DAB2IP: variants seen among roughly 807,000 people sequenced by gnomAD.
DAB2IP encodes the protein disabled homolog 2-interacting protein.
A neutral mutation model predicts 107.2 loss-of-function variants in DAB2IP; 28 were observed. That is an observed-to-expected ratio of 0.26 (90% CI 0.19 to 0.36). The LOEUF is 0.36. DAB2IP is among the 10% of genes least tolerant of loss of function. The pLI is 1.00. For missense variants in DAB2IP, 1,400 were observed against 1,644.7 expected (o/e 0.85, Z 2.57); for synonymous variants, 755 against 706.4 (o/e 1.07, Z -1.09).
upstream of DAB2IP, among the ~76,000 whole-genome samples, chr9:121,649,621 A>G (rs1211380674): frequency 6.6e-6 from 1 of 152,116 alleles, no homozygotes; most frequent in African/African-American, 2.4e-5. Context: ...ACTTCCTGGG[A>G]GTCCCTCACC....
chr9:121,614,337 CTTTT>C (rs35959966), intron 1 of DAB2IP, among the ~76,000 whole-genome samples: 2 of 102,768 alleles, frequency 1.9e-5, no homozygotes, highest in Admixed American at 1.3e-4. Flanking sequence ...TCTTTCTTTT[CTTTT>C]TTTTTTTTTT....
rs1030975206 is a variant in DAB2IP at position 121,651,839 on chromosome 9, A to T, written c.64A>T (p.Arg22Trp). The change falls in exon 1 of 16, where the codon AGG becomes TGG. Residue 22 changes from arginine (R) to tryptophan (W), a missense_variant. Around this residue, in one of 3 missense-constraint regions of DAB2IP, gnomAD observed 283 missense variants for 237.0 expected, o/e 1.19. Coordinates refer to ENST00000408936, the Ensembl canonical transcript of DAB2IP. The surrounding 1 kb of genome is among the most constrained non-coding windows in gnomAD (Gnocchi z 5.1). ...GTCCTCCTACTACTACCGGCTGCTG[A>T]GGCGGCCCCGGCTGCAGCGACAGAG... 4.6e-5 allele frequency: 68 copies of T among 1,471,576 alleles called. No individual in the cohort carries two copies. The highest frequency in any genetic ancestry group is 6.0e-5 in the Non-Finnish European group (67 of 1,109,518). The allele number at this position is 1,471,576 out of a possible 1,614,324, so 91.2% of individuals were successfully genotyped here.
chr9:121,619,416 G>C (rs1831386210), intron 1 of DAB2IP, among the ~76,000 whole-genome samples: 1 of 152,228 alleles, frequency 6.6e-6, no homozygotes, highest in Admixed American at 6.5e-5. Flanking sequence ...CAAAGTGCTA[G>C]GATTACAGGC....
At chr9:121,754,914 C>T (rs1417002366) in intron 3 of DAB2IP, among the ~76,000 whole-genome samples, 2 of 152,198 alleles carry the variant, frequency 1.3e-5, no homozygotes, top group African/African-American at 2.4e-5. Context: ...GTCCCTACCC[C>T]ACCCTCCCTG....
intron 1 of DAB2IP, among the ~76,000 whole-genome samples, chr9:121,627,387 T>C (rs1322180840): frequency 6.6e-6 from 1 of 152,188 alleles, no homozygotes; most frequent in Non-Finnish European, 1.5e-5. Context: ...TGCTTTTTTT[T>C]TTTTTGTATG....
In DAB2IP at chr9:121,694,934, G is replaced by C. The variant is rs1829345534; in HGVS notation, c.229-4391G>C. Reference sequence around the variant, plus strand: ...TGGCACAGCTGCCTGACAAGTAGATGGGGACATGGGCTGCTTTAATAGAGG... The same window carrying C: ...TGGCACAGCTGCCTGACAAGTAGATCGGGACATGGGCTGCTTTAATAGAGG... On this transcript the variant is annotated intron_variant, in intron 2 of 15. Transcript: ENST00000408936. Among the ~76,000 whole-genome samples the C allele has an allele frequency of 3.3e-5, 5 of 152,154 alleles. No homozygotes were observed. The South Asian group carries it at 1.0e-3, about 32-fold the overall frequency.
chr9:121,587,946 C>G (rs1279100101), intron 1 of DAB2IP, among the ~76,000 whole-genome samples: 1 of 152,214 alleles, frequency 6.6e-6, no homozygotes, highest in Non-Finnish European at 1.5e-5. Flanking sequence ...TGTATTTCAT[C>G]TGGCAATCCT....
intron 12 of DAB2IP, 69 bp from the exon 13 acceptor site, chr9:121,774,190 TG>T: frequency 6.9e-7 from 1 of 1,448,108 alleles, no homozygotes; most frequent in Non-Finnish European, 9.1e-7. Context: ...GTGGCTCACC[TG>T]GGCCACTCCC....
chr9:121,729,738 A>G (rs1298721829), intron 3 of DAB2IP, among the ~76,000 whole-genome samples: 2 of 152,168 alleles, frequency 1.3e-5, no homozygotes, highest in Non-Finnish European at 2.9e-5. Flanking sequence ...GATGGGGTGG[A>G]AAGTTTTTGT....
At chr9:121,671,565 A>G (rs1032676129) in intron 1 of DAB2IP, among the ~76,000 whole-genome samples, 10 of 152,206 alleles carry the variant, frequency 6.6e-5, no homozygotes, top group Middle Eastern at 3.2e-3. Context: ...CCATTCATCT[A>G]TAGAAGGATG....
intron 1 of DAB2IP, among the ~76,000 whole-genome samples, chr9:121,578,098 G>T (rs1172140801): frequency 2.0e-5 from 3 of 152,014 alleles, no homozygotes; most frequent in Non-Finnish European, 2.9e-5. Context: ...TCTCTCCTTT[G>T]CCAGTTCTGT....
At chr9:121,616,748 C>G (rs1308416789) in intron 1 of DAB2IP, among the ~76,000 whole-genome samples, 1 of 152,178 alleles carries the variant, frequency 6.6e-6, no homozygotes, top group East Asian at 1.9e-4. Context: ...CGGCCCTGGC[C>G]CGACCCTGGC....
intron 1 of DAB2IP, among the ~76,000 whole-genome samples, chr9:121,669,488 C>T (rs943105045): frequency 1.3e-5 from 2 of 152,028 alleles, no homozygotes; most frequent in Non-Finnish European, 2.9e-5. Flanking sequence ...TTAGGAAGAA[C>T]CTAGTATAGG....
intron 1 of DAB2IP, among the ~76,000 whole-genome samples, chr9:121,584,245 A>G (rs1165288721): frequency 6.6e-6 from 1 of 152,114 alleles, no homozygotes; most frequent in African/African-American, 2.4e-5. Context: ...CCCAGCCTCA[A>G]AATAATAATC....
At chr9:121,574,249 C>G (rs990879488) in intron 1 of DAB2IP, among the ~76,000 whole-genome samples, 10 of 152,154 alleles carry the variant, frequency 6.6e-5, no homozygotes, top group African/African-American at 1.9e-4. Flanking sequence ...GAGGCCTCCT[C>G]CTGGCTCTGC....
intron 2 of DAB2IP, among the ~76,000 whole-genome samples, chr9:121,695,384 T>C (rs1454492659): frequency 2.0e-5 from 3 of 152,234 alleles, no homozygotes; most frequent in Non-Finnish European, 4.4e-5. Context: ...GTGTAGTTGC[T>C]TAATAGTTAC....
chr9:121,642,023 C>T lies in DAB2IP; in HGVS notation c.41-36655C>T, dbSNP rs1441802338. 1.5e-4 allele frequency among the ~76,000 whole-genome samples: 5 copies of T among 34,250 alleles called. 1 individual carries two copies. Among genetic ancestry groups the T allele is most frequent in the African/African-American group, 5.5e-4 (4 of 7,234 alleles). The allele number at this position is 34,250 out of a possible 152,430, so 22.5% of individuals were successfully genotyped here. On this transcript the variant is annotated intron_variant, in intron 1 of 16. Transcript: ENST00000259371. ...TCTCTCTCTCTCTCTCTCTCTCTCT[C>T]TCTCTCTCTTTCTTTCTTTCTTTCT...
intron 1 of DAB2IP, among the ~76,000 whole-genome samples, chr9:121,580,347 G>A (rs1362560204): frequency 6.6e-6 from 1 of 152,156 alleles, no homozygotes; most frequent in African/African-American, 2.4e-5. Context: ...GACCTCTAGG[G>A]GTAGGTGGGA....
At chr9:121,722,322 C>G (rs1403517377) in intron 3 of DAB2IP, among the ~76,000 whole-genome samples, 1 of 152,184 alleles carries the variant, frequency 6.6e-6, no homozygotes, top group African/African-American at 2.4e-5. Flanking sequence ...CCTGTTCCTC[C>G]CCTGCAGGAG....
Sources: gnomAD v4.1 joint callset for allele counts (sites outside exome capture counted in the v4.1 genomes callset) on GRCh38, gnomAD v4.1.1 for gene constraint, gnomAD v4.1.1 regional missense constraint, Gnocchi (gnomAD v3.1) non-coding constraint, MANE v1.5 for transcripts, NCBI Gene and HGNC (gene_info 2026-07-23, HGNC 2026-07-21) for gene names.